NRXN1: variants seen among roughly 807,000 people sequenced by gnomAD.
NRXN1 encodes the protein neurexin 1.
A neutral mutation model predicts 150.9 loss-of-function variants in NRXN1; 39 were observed. That is an observed-to-expected ratio of 0.26 (90% CI 0.20 to 0.34). The LOEUF (loss-of-function observed/expected upper bound fraction) is 0.34. NRXN1 is among the 10% of genes least tolerant of loss of function. NRXN1 has a pLI of 1.00. For synonymous variants in NRXN1, 924 were observed against 757.0 expected (o/e 1.22, Z -3.62); for missense variants, 1,815 against 1,949.9 (o/e 0.93, Z 1.30).
chr2:49,960,668 A>G (rs1490650783), intron 21 of NRXN1, among the ~76,000 whole-genome samples: 1 of 152,358 alleles, frequency 6.6e-6, no homozygotes, highest in East Asian at 1.9e-4. Flanking sequence ...GTGAAAGCAC[A>G]CAATCCAGTC....
At chr2:50,246,727 GC>G (rs5831103) in intron 17 of NRXN1, among the ~76,000 whole-genome samples, 62,346 of 151,748 alleles carry the variant, frequency 0.41, 13,007 homozygotes, top group Middle Eastern at 0.45. Context: ...AGGCTTCTCT[GC>G]TGCACCTTGA....
At chr2:49,959,899 C>A (rs1457255820) in intron 21 of NRXN1, among the ~76,000 whole-genome samples, 1 of 152,160 alleles carries the variant, frequency 6.6e-6, no homozygotes, top group African/African-American at 2.4e-5. Flanking sequence ...CCACTTTTGT[C>A]CTTGCCTAGC....
At chr2:50,715,983 G>A (rs938786007) in intron 5 of NRXN1, among the ~76,000 whole-genome samples, 5 of 152,048 alleles carry the variant, frequency 3.3e-5, no homozygotes, top group Non-Finnish European at 1.5e-5. Context: ...TAGAATACAA[G>A]GTCCTTGAGA....
chr2:50,562,539 A>C (rs972520182), intron 8 of NRXN1, among the ~76,000 whole-genome samples: 4 of 152,128 alleles, frequency 2.6e-5, no homozygotes, highest in Non-Finnish European at 4.4e-5. Context: ...AATTTCATGT[A>C]AAATATTTAT....
chr2:49,989,437 A>G (rs867050842), intron 21 of NRXN1, among the ~76,000 whole-genome samples: 1 of 152,334 alleles, frequency 6.6e-6, no homozygotes, highest in South Asian at 2.1e-4. Context: ...GAAGAAAGTC[A>G]GAAAACCAAC....
intron 21 of NRXN1, among the ~76,000 whole-genome samples, chr2:50,018,245 A>C (rs2152556048): frequency 6.6e-6 from 1 of 152,232 alleles, no homozygotes; most frequent in South Asian, 2.1e-4. Context: ...CGTTTTTCAG[A>C]CCATCATTTA....
chr2:50,649,487 T>A (rs1163196885), intron 5 of NRXN1, among the ~76,000 whole-genome samples: 2 of 151,924 alleles, frequency 1.3e-5, no homozygotes, highest in East Asian at 3.9e-4. Context: ...GATTTTAAGG[T>A]GAAGAGAATC....
chr2:50,550,302 C>T (rs1667251947), intron 9 of NRXN1, among the ~76,000 whole-genome samples: 1 of 152,116 alleles, frequency 6.6e-6, no homozygotes, highest in African/African-American at 2.4e-5. Flanking sequence ...TCACGGCTCA[C>T]TGCAGCCTGG....
intron 18 of NRXN1, among the ~76,000 whole-genome samples, chr2:50,108,519 A>G (rs1227754895): frequency 6.6e-6 from 1 of 152,116 alleles, no homozygotes; most frequent in Non-Finnish European, 1.5e-5. Context: ...GATAAAGTGT[A>G]TGTCAAAAAC....
At chr2:50,687,324 C>A (rs1691382335) in intron 5 of NRXN1, among the ~76,000 whole-genome samples, 1 of 152,190 alleles carries the variant, frequency 6.6e-6, no homozygotes, top group Non-Finnish European at 1.5e-5. Flanking sequence ...TTAACTGCTA[C>A]ATTCCTGTCT....
chr2:50,090,577 A>G (rs966316599), intron 19 of NRXN1, among the ~76,000 whole-genome samples: 23 of 152,192 alleles, frequency 1.5e-4, no homozygotes, highest in Admixed American at 6.5e-5. Flanking sequence ...TTGAGGATAT[A>G]TACAACCACA....
chr2:50,007,892 C>T (rs1470764230), intron 21 of NRXN1, among the ~76,000 whole-genome samples: 1 of 152,136 alleles, frequency 6.6e-6, no homozygotes, highest in Non-Finnish European at 1.5e-5. Context: ...TCTCCAGCAT[C>T]TGTTGTTTCC....
intron 5 of NRXN1, among the ~76,000 whole-genome samples, chr2:50,695,981 T>A (rs1273754609): frequency 6.6e-6 from 1 of 151,926 alleles, no homozygotes; most frequent in Admixed American, 6.6e-5. Flanking sequence ...CAGCTGGGAT[T>A]ACAGGCGCCC....
At chr2:50,706,108 A>G (rs915228651) in intron 5 of NRXN1, among the ~76,000 whole-genome samples, 2 of 152,272 alleles carry the variant, frequency 1.3e-5, no homozygotes, top group African/African-American at 4.8e-5. Flanking sequence ...CATTGCTATC[A>G]TGAGGTTCTT....
intron 22 of NRXN1, among the ~76,000 whole-genome samples, chr2:49,928,763 G>C (rs1008007790): frequency 3.9e-5 from 6 of 152,166 alleles, no homozygotes; most frequent in Non-Finnish European, 8.8e-5. Context: ...GGGACACAAT[G>C]ATTTATATGA....
intron 18 of NRXN1, among the ~76,000 whole-genome samples, chr2:50,181,454 G>C (rs2060708610): frequency 6.6e-6 from 1 of 152,076 alleles, no homozygotes; most frequent in South Asian, 2.1e-4. Flanking sequence ...TATCTTAAGA[G>C]ACAAAGTATC....
chr2:50,745,974 C>T (rs957429151), intron 5 of NRXN1, among the ~76,000 whole-genome samples: 1 of 152,168 alleles, frequency 6.6e-6, no homozygotes, highest in African/African-American at 2.4e-5. Context: ...CTTCCTCTCA[C>T]TGCCAATGGG....
At chr2:50,994,973 C>T (rs773929209) in intron 2 of NRXN1, among the ~76,000 whole-genome samples, 2 of 151,784 alleles carry the variant, frequency 1.3e-5, no homozygotes, top group Admixed American at 6.6e-5. Context: ...AAATCACTGA[C>T]GCTTAAAGTG....
At chr2:50,381,013 T>A (rs962588003) in intron 17 of NRXN1, among the ~76,000 whole-genome samples, 2 of 152,164 alleles carry the variant, frequency 1.3e-5, no homozygotes, top group Non-Finnish European at 2.9e-5. Context: ...TGATGATTTA[T>A]TTGTCTCTAT....
Sources: gnomAD v4.1 joint callset for allele counts (sites outside exome capture counted in the v4.1 genomes callset) on GRCh38, gnomAD v4.1.1 for gene constraint, MANE v1.5 for transcripts, NCBI Gene and HGNC (gene_info 2026-07-23, HGNC 2026-07-21) for gene names.